Variants in METAP1 observed in about 807,000 individuals in gnomAD.
METAP1 encodes methionyl aminopeptidase 1, also known as methionine aminopeptidase 1.
A neutral mutation model predicts 53.8 loss-of-function variants in METAP1; 28 were observed. That is an observed-to-expected ratio of 0.52 (90% CI 0.39 to 0.71). The LOEUF (loss-of-function observed/expected upper bound fraction) is 0.71, where lower values mean the gene tolerates loss of function less well. Among genes scored for constraint, METAP1 ranks in the 30% least tolerant of loss-of-function variants. The pLI is 0.00. For missense variants in METAP1, 389 were observed against 479.8 expected (o/e 0.81, Z 1.77); for synonymous variants, 181 against 165.7 (o/e 1.09, Z -0.71).
chr4:99,056,861 G>T (rs781692664), intron 9 of METAP1, among the ~76,000 whole-genome samples: 1 of 150,436 alleles, frequency 6.6e-6, no homozygotes. Context: ...GAGCCACTGC[G>T]CCCGGCCTTG....
intron 9 of METAP1, among the ~76,000 whole-genome samples, chr4:99,050,295 C>T (rs1014391470): frequency 6.6e-6 from 1 of 152,230 alleles, no homozygotes; most frequent in Non-Finnish European, 1.5e-5. Context: ...ACTTGTATGT[C>T]GGAATCTTCA....
intron 2 of METAP1, among the ~76,000 whole-genome samples, chr4:99,030,613 GA>G (rs1724943006): frequency 6.6e-6 from 1 of 152,138 alleles, no homozygotes; most frequent in Non-Finnish European, 1.5e-5. Context: ...ATGGTGTGGG[GA>G]AGGGTGATCT....
At chr4:99,046,760 T>G (rs2110389861) in intron 8 of METAP1, among the ~76,000 whole-genome samples, 1 of 152,122 alleles carries the variant, frequency 6.6e-6, no homozygotes, top group East Asian at 1.9e-4. Flanking sequence ...TTTTGAAAAC[T>G]TATTACTCAT....
At chr4:99,019,896 A>G (rs1020476095) in intron 1 of METAP1, among the ~76,000 whole-genome samples, 1 of 152,200 alleles carries the variant, frequency 6.6e-6, no homozygotes, top group Non-Finnish European at 1.5e-5. Context: ...TAAAAAGTGC[A>G]TAGGTCCCTC....
intron 2 of METAP1, among the ~76,000 whole-genome samples, chr4:99,032,212 T>TG (rs1725090302): frequency 6.6e-6 from 1 of 151,244 alleles, no homozygotes; most frequent in African/African-American, 2.4e-5. Context: ...TTACATTCGT[T>TG]TTTTTTTTGT....
At chr4:99,011,777 C>G (rs1723482088) in intron 1 of METAP1, among the ~76,000 whole-genome samples, 1 of 151,976 alleles carries the variant, frequency 6.6e-6, no homozygotes, top group South Asian at 2.1e-4. Context: ...GCCATCTCTA[C>G]TAAAAATACA....
At chr4:99,015,977 C>T (rs147931789) in intron 1 of METAP1, among the ~76,000 whole-genome samples, 1 of 152,204 alleles carries the variant, frequency 6.6e-6, no homozygotes, top group African/African-American at 2.4e-5. Context: ...ATGGGTCCAC[C>T]CCTTCTCGGC....
intron 1 of METAP1, among the ~76,000 whole-genome samples, chr4:99,010,109 C>G (rs183979757): frequency 5.8e-4 from 88 of 152,226 alleles, no homozygotes; most frequent in African/African-American, 2.1e-3. Context: ...TCCAGTTTTC[C>G]CAACAGTGTT....
Position 99,034,312 on chromosome 4 carries a change from T to C in METAP1, c.249T>C (p.Tyr83=). 2 of 1,543,290 alleles carry C rather than the reference T, an allele frequency of 1.3e-6. No individual in the cohort carries two copies. The highest frequency in any genetic ancestry group is 2.4e-5 in the East Asian group (1 of 40,846). Reference sequence around the variant, plus strand: ...CTGACCCATGGGCAGGTTATCGATATACTGGTAAACTCAGACCACATTATC... The same window carrying C: ...CTGACCCATGGGCAGGTTATCGATACACTGGTAAACTCAGACCACATTATC... ...INTDPWAGYR[Y]TGKLRPHYPL... Residue 83 remains tyrosine (Y), a synonymous_variant, in exon 3 of 11, where the codon TAT becomes TAC. Transcript: ENST00000296411.
intron 1 of METAP1, among the ~76,000 whole-genome samples, chr4:99,000,973 C>A (rs1310186460): frequency 6.6e-6 from 1 of 152,134 alleles, no homozygotes; most frequent in Non-Finnish European, 1.5e-5. Flanking sequence ...GTTGTCTATA[C>A]AGGTGTGAGC....
chr4:99,031,456 C>T (rs1037476), intron 2 of METAP1: 956,062 of 1,279,418 alleles, frequency 0.75, 359,490 homozygotes, highest in East Asian at 0.99. Flanking sequence ...TAATACTTTT[C>T]CTTCCACTCC....
intron 7 of METAP1, among the ~76,000 whole-genome samples, chr4:99,043,602 A>AGTT (rs1235045095): frequency 6.6e-6 from 1 of 152,176 alleles, no homozygotes; most frequent in East Asian, 1.9e-4. Context: ...TGTTTGGTGC[A>AGTT]GTGTATTTCT....
At chr4:99,054,870 A>G (rs1282523365) in intron 9 of METAP1, among the ~76,000 whole-genome samples, 5 of 152,196 alleles carry the variant, frequency 3.3e-5, no homozygotes, top group Non-Finnish European at 2.9e-5. Context: ...TGCCGTCTTT[A>G]CATGGGCACA....
At chr4:99,053,713 T>C (rs1726893959) in intron 9 of METAP1, among the ~76,000 whole-genome samples, 1 of 152,174 alleles carries the variant, frequency 6.6e-6, no homozygotes, top group African/African-American at 2.4e-5. Flanking sequence ...TCTTGATCCA[T>C]GAGCTACAGA....
chr4:99,023,517 A>C lies in METAP1; in HGVS notation c.115-5350A>C, dbSNP rs115075905. On this transcript the variant is annotated intron_variant, in intron 1 of 10. Coordinates refer to ENST00000296411, the MANE Select transcript of METAP1 (RefSeq NM_015143.3). ...GGTGTGCTTATTTGCTCACACTCTC[A>C]TCAACATGAATTGATGTTAGATTTG... 1.7e-3 allele frequency: 1,703 copies of C among 985,408 alleles called. 16 individuals are homozygous for C. In the African/African-American group the frequency reaches 0.028, roughly 16 times the overall value. 61.0% of individuals were successfully genotyped at this position (985,408 alleles called of 1,614,324 possible). A position where few individuals can be genotyped will look rare whatever the true frequency, so the allele number is the denominator to read the frequency against.
intron 8 of METAP1, among the ~76,000 whole-genome samples, chr4:99,046,382 C>T (rs536104175): frequency 8.0e-4 from 121 of 151,880 alleles, no homozygotes; most frequent in South Asian, 2.5e-3. Flanking sequence ...GGCAACAGAG[C>T]GAGACTCCAT....
intron 4 of METAP1, 78 bp from the exon 5 acceptor site, chr4:99,039,296 C>T: frequency 2.5e-6 from 2 of 815,984 alleles, no homozygotes; most frequent in Non-Finnish European, 4.1e-6. Context: ...TGTTTTTATG[C>T]CACAGGTTTA....
chr4:99,022,297 G>A (rs1724169511), intron 1 of METAP1: 1 of 672,436 alleles, frequency 1.5e-6, no homozygotes, highest in Admixed American at 3.4e-5. Flanking sequence ...AGATGGAAGG[G>A]GCCTCCCTTG....
intron 2 of METAP1, among the ~76,000 whole-genome samples, chr4:99,033,213 A>C (rs1015590981): frequency 4.0e-5 from 6 of 150,204 alleles, no homozygotes; most frequent in Non-Finnish European, 7.4e-5. Context: ...AGTTTCCTTC[A>C]TTTTGTATTT....
Sources: gnomAD v4.1 joint callset for allele counts (sites outside exome capture counted in the v4.1 genomes callset) on GRCh38, gnomAD v4.1.1 for gene constraint, MANE v1.5 for transcripts, NCBI Gene and HGNC (gene_info 2026-07-23, HGNC 2026-07-21) for gene names.